Variants in ENPP1 observed in about 807,000 individuals in gnomAD.
The protein encoded by ENPP1 is ectonucleotide pyrophosphatase/phosphodiesterase 1.
In ENPP1, 73 loss-of-function variants were observed where a neutral mutation model predicts 122.8. The observed-to-expected ratio is 0.59, with a 90% CI of 0.49 to 0.72. The LOEUF is 0.72. ENPP1 is among the 30% of genes least tolerant of loss of function. ENPP1 has a pLI of 0.00. For missense variants in ENPP1, 978 were observed against 1,128.1 expected (o/e 0.87, Z 1.91); for synonymous variants, 367 against 391.6 (o/e 0.94, Z 0.74).
intron 6 of ENPP1, among the ~76,000 whole-genome samples, 162 bp downstream of exon 6, chr6:131,855,185 G>A (rs948718718): frequency 2.6e-5 from 4 of 152,146 alleles, no homozygotes; most frequent in African/African-American, 9.7e-5. Context: ...CTTTAATAGT[G>A]TGATTACTCT....
At chr6:131,816,981 T>C (rs566010392) in intron 1 of ENPP1, among the ~76,000 whole-genome samples, 1 of 152,262 alleles carries the variant, frequency 6.6e-6, no homozygotes, top group East Asian at 1.9e-4. Context: ...AAGACAGAGA[T>C]TCCTAGGCTC....
rs142564421 is a variant in ENPP1 at position 131,882,215 on chromosome 6, A to G, written c.2101-130A>G. The G allele has an allele frequency of 4.2e-6, 3 of 713,416 alleles. No individual in the cohort carries two copies. In the African/African-American group the frequency reaches 5.4e-5, roughly 13 times the overall value. The allele number at this position is 713,416 out of a possible 1,614,324, so 44.2% of individuals were successfully genotyped here. ...AAAAAGATGAATATACTAGTAGGAA[A>G]ATAGGGAAGGACATGAGCTGACAGC... is the stretch of plus-strand genomic sequence containing the variant. On this transcript the variant is annotated intron_variant, in intron 20 of 24. Transcript: ENST00000647893.
chr6:131,884,800 G>A, intron 22 of ENPP1, 131 bp from the exon 23 acceptor site: 2 of 1,110,812 alleles, frequency 1.8e-6, no homozygotes, highest in South Asian at 2.6e-5. Flanking sequence ...ACAAAACGAA[G>A]ACTGAAGCCA....
At chr6:131,849,646 A>G (rs916191455) in intron 2 of ENPP1, among the ~76,000 whole-genome samples, 3 of 152,212 alleles carry the variant, frequency 2.0e-5, no homozygotes, top group African/African-American at 7.2e-5. Flanking sequence ...TCATAGCACA[A>G]AGTATTCAGA....
chr6:131,885,618 T>C (rs1046459484), intron 23 of ENPP1, among the ~76,000 whole-genome samples: 5 of 152,190 alleles, frequency 3.3e-5, no homozygotes, highest in Non-Finnish European at 5.9e-5. Flanking sequence ...TTGATCTTTA[T>C]TGAAACAATA....
In ENPP1 at chr6:131,869,340, A is replaced by AT. The variant is rs149287352; in HGVS notation, c.1274-8dup. 3.2e-3 allele frequency: 4,898 copies of AT among 1,524,972 alleles called. 62 individuals are homozygous for AT. In the African/African-American group the frequency reaches 0.046, roughly 14 times the overall value. The allele number at this position is 1,524,972 out of a possible 1,614,324, so 94.5% of individuals were successfully genotyped here. The stretch of plus-strand genomic sequence containing the variant: ...TGTTAAAGTTACAGCATGTTTTGGG[A>AT]TTTTTTTTTTCTCCTAGGCATGGAA... On this transcript the variant is annotated splice_polypyrimidine_tract_variant and intron_variant, in intron 12 of 24. Coordinates refer to ENST00000647893, the MANE Select transcript of ENPP1 (RefSeq NM_006208.3).
intron 6 of ENPP1, among the ~76,000 whole-genome samples, chr6:131,856,197 G>T (rs556418210): frequency 6.6e-6 from 1 of 152,284 alleles, no homozygotes; most frequent in Admixed American, 6.5e-5. Flanking sequence ...TTCCCAGCAG[G>T]CCTGTGGCCT....
intron 13 of ENPP1, among the ~76,000 whole-genome samples, chr6:131,870,006 C>T (rs1782141384): frequency 6.6e-6 from 1 of 152,100 alleles, no homozygotes; most frequent in Non-Finnish European, 1.5e-5. Flanking sequence ...GAGAACACAA[C>T]TTACCTATTG....
intron 1 of ENPP1, among the ~76,000 whole-genome samples, chr6:131,843,510 T>C (rs552314901): frequency 1.3e-5 from 2 of 152,326 alleles, no homozygotes; most frequent in South Asian, 4.1e-4. Context: ...AGTCTTTCCA[T>C]AGTAGTTTTC....
At chr6:131,839,769 A>G (rs373352026) in intron 1 of ENPP1, among the ~76,000 whole-genome samples, 15 of 152,232 alleles carry the variant, frequency 9.9e-5, no homozygotes, top group African/African-American at 3.6e-4. Context: ...TCATTTTTCC[A>G]TGTCAATTAA....
chr6:131,827,298 T>G, intron 1 of ENPP1: 1 of 1,349,706 alleles, frequency 7.4e-7, no homozygotes. Flanking sequence ...AGGATCATAC[T>G]GATTAGCCAG....
chr6:131,835,213 T>C (rs944125922), intron 1 of ENPP1, among the ~76,000 whole-genome samples: 5 of 152,202 alleles, frequency 3.3e-5, no homozygotes, highest in East Asian at 3.8e-4. Flanking sequence ...TGGTAAAATA[T>C]GAATCATTCC....
At chr6:131,866,919 A>G (rs987967264) in intron 11 of ENPP1, among the ~76,000 whole-genome samples, 23 of 152,236 alleles carry the variant, frequency 1.5e-4, no homozygotes, top group African/African-American at 5.3e-4. Context: ...GTCTGGGTCA[A>G]TTTGGCTACA....
At chr6:131,826,142 TA>T in intron 1 of ENPP1, 1 of 847,204 alleles carries the variant, frequency 1.2e-6, no homozygotes. Context: ...TCCAGATGAG[TA>T]AGGTTTGACA....
intron 1 of ENPP1, among the ~76,000 whole-genome samples, chr6:131,815,581 C>G (rs1781403172): frequency 6.6e-6 from 1 of 152,146 alleles, no homozygotes; most frequent in Admixed American, 6.5e-5. Flanking sequence ...CCATCATATC[C>G]TAATCATGAC....
intron 1 of ENPP1, among the ~76,000 whole-genome samples, chr6:131,814,421 G>C (rs1017019388): frequency 6.6e-6 from 1 of 152,116 alleles, no homozygotes; most frequent in Non-Finnish European, 1.5e-5. Context: ...AAAAACCAAG[G>C]CAAAATTAAT....
At chr6:131,865,375 G>T (rs1028618387) in intron 11 of ENPP1, among the ~76,000 whole-genome samples, 43 of 152,148 alleles carry the variant, frequency 2.8e-4, no homozygotes, top group African/African-American at 9.7e-4. Flanking sequence ...TTACAACAGA[G>T]GTCCCATAGA....
Position 131,861,661 on chromosome 6 carries a change from GA to G in ENPP1, c.985del (p.Ile329LeufsTer23). ...ATTTTTCTGGCCAGGATCAGATGTG[GA>G]AATTAACGGAATTTTCCCAGACATC... ...GTFFWPGSDVEINGIFPDIYK... is the reference protein window; with the variant it reads ...GTFFWPGSDVXINGIFPDIYK... On this transcript the variant is annotated frameshift_variant, in exon 9 of 25. Transcript: ENST00000647893. LOFTEE classifies it high-confidence loss of function. 6.2e-7 allele frequency: 1 copy of G among 1,613,536 alleles called. No individual in the cohort carries two copies. The highest frequency in any genetic ancestry group is 8.5e-7 in the Non-Finnish European group (1 of 1,179,482).
intron 21 of ENPP1, among the ~76,000 whole-genome samples, chr6:131,882,894 T>C (rs1782331251): frequency 6.6e-6 from 1 of 151,870 alleles, no homozygotes; most frequent in African/African-American, 2.4e-5. Flanking sequence ...ATATATCAAG[T>C]TGGAAGAATA....
Sources: allele counts gnomAD v4.1 joint callset (sites outside exome capture counted in the v4.1 genomes callset), GRCh38; gene constraint gnomAD v4.1.1; transcripts MANE v1.5; gene names NCBI Gene and HGNC (gene_info 2026-07-23, HGNC 2026-07-21).